ABCG5: variants seen among roughly 807,000 people sequenced by gnomAD.
ABCG5 encodes ATP binding cassette subfamily G member 5, also known as ATP-binding cassette sub-family G member 5.
In ABCG5, 64 loss-of-function variants were observed where a neutral mutation model predicts 64.5. The observed-to-expected ratio is 0.99, with a 90% CI of 0.81 to 1.22. The LOEUF (loss-of-function observed/expected upper bound fraction) is 1.22, where lower values mean the gene tolerates loss of function less well. Ranked by LOEUF, ABCG5 falls within the 50% of genes most tolerant of loss-of-function variation. ABCG5 has a pLI of 0.00. For missense variants in ABCG5, 908 were observed against 829.5 expected (o/e 1.09, Z -1.16); for synonymous variants, 385 against 326.3 (o/e 1.18, Z -1.94).
At chr2:43,809,666 A>T, downstream of ABCG5, 1 of 1,491,150 alleles carries the variant, frequency 6.7e-7, no homozygotes, top group Non-Finnish European at 9.3e-7. Flanking sequence ...GAATTAGTAA[A>T]GTTGATTTTT....
At chr2:43,822,769 G>A in intron 10 of ABCG5, 28 bp downstream of exon 10, 1 of 1,613,998 alleles carries the variant, frequency 6.2e-7, no homozygotes, top group South Asian at 1.1e-5. Flanking sequence ...TGGGAGCCCG[G>A]CCCTGGGTGA....
rs769366950 is a variant in ABCG5 at position 43,820,034 on chromosome 2, G to A, written c.1530C>T (p.His510=). 8 of 1,614,208 alleles carry A rather than the reference G, an allele frequency of 5.0e-6. No individual in the cohort carries two copies. The highest frequency in any genetic ancestry group is 4.4e-5 in the South Asian group (4 of 91,082). Residue 510 remains histidine, a synonymous_variant, in exon 11 of 13, where the codon CAC becomes CAT. Transcript: ENST00000405322. The stretch of plus-strand genomic sequence containing the variant: ...CAAGAGTTAGAAATTCACCAATTAA[G>A]TGGGGGGCCAAGAGAGCAGCAGAAA... The part of the protein sequence containing the change: ...GYFSAALLAP[H]LIGEFLTLVL...
At position 43,824,322 on chromosome 2, in the gene ABCG5, A is replaced by C. The variant is rs756376137; in HGVS notation, c.1015T>G (p.Leu339Val). The part of the protein sequence containing the change: ...YKKSAICHKT[L>V]KNIERMKHLK... ...TGTTTCATTCTTTCAATATTCTTCA[A>C]AGTTTTATGACAAATTGCTGATTTC... Residue 339 changes from leucine (L) to valine (V), a missense_variant, in exon 8 of 13, where the codon TTG becomes GTG. Transcript: ENST00000405322. 12 of 1,614,024 alleles carry C rather than the reference A, an allele frequency of 7.4e-6. No individual in the cohort carries two copies. The African/African-American group carries it at 1.5e-4, about 20-fold the overall frequency.
intron 6 of ABCG5, among the ~76,000 whole-genome samples, chr2:43,826,103 GTAGC>G (rs1309288403): frequency 6.6e-6 from 1 of 151,924 alleles, no homozygotes; most frequent in Admixed American, 6.6e-5. Flanking sequence ...AGCCTTCCAA[GTAGC>G]TGGGACCACA....
upstream of ABCG5, chr2:43,839,148 T>C: frequency 6.5e-7 from 1 of 1,549,358 alleles, no homozygotes. Context: ...GGCCCAGGCC[T>C]GGTGGGCGGG....
Position 43,838,718 on chromosome 2 carries a change from C to T in ABCG5, c.-39G>A, listed in dbSNP as rs1668443446. 2 of 1,607,840 alleles carry T rather than the reference C, an allele frequency of 1.2e-6. No homozygotes were observed. The highest frequency in any genetic ancestry group is 2.7e-5 in the African/African-American group (2 of 74,734). Reference sequence around the variant, plus strand: ...CAAAGCTGGGCAAATTTTCTGGTGGCCGGACCCTCCCCAGAGTGGCTTCAG... The same window carrying T: ...CAAAGCTGGGCAAATTTTCTGGTGGTCGGACCCTCCCCAGAGTGGCTTCAG... On this transcript the variant is annotated 5_prime_UTR_variant, in exon 1 of 13. Transcript: ENST00000405322. The surrounding 1 kb of genome is among the most constrained non-coding windows in gnomAD (Gnocchi z 4.2).
At chr2:43,820,797 G>A (rs1667142228) in intron 10 of ABCG5, among the ~76,000 whole-genome samples, 1 of 152,060 alleles carries the variant, frequency 6.6e-6, no homozygotes, top group East Asian at 1.9e-4. Context: ...GGGATTACAG[G>A]TGCGCACCAC....
At chr2:43,814,332 G>A in intron 12 of ABCG5, 145 bp downstream of exon 12, 1 of 634,480 alleles carries the variant, frequency 1.6e-6, no homozygotes, top group Non-Finnish European at 2.8e-6. Flanking sequence ...TTAAAAATCA[G>A]AGAAAATGTT....
chr2:43,838,426 G>A lies in ABCG5; in HGVS notation c.143+111C>T. On this transcript the variant is annotated intron_variant, in intron 1 of 12. Transcript: ENST00000405322. The surrounding 1 kb of genome is among the most constrained non-coding windows in gnomAD (Gnocchi z 4.2). ...TCTCTCCACCCGATCCACTAAAGAG[G>A]GAGCCCGAAGTGCCCAGACTGGCAC... is the stretch of plus-strand genomic sequence containing the variant. 9.4e-7 allele frequency: 1 copy of A among 1,065,014 alleles called. No homozygotes were observed. The highest frequency in any genetic ancestry group is 1.5e-5 in the South Asian group (1 of 66,800). 66.0% of individuals were successfully genotyped at this position (1,065,014 alleles called of 1,614,324 possible). A position where few individuals can be genotyped will look rare whatever the true frequency, so the allele number is the denominator to read the frequency against.
At chr2:43,831,078 A>C (rs1465694712) in intron 4 of ABCG5, among the ~76,000 whole-genome samples, 2 of 152,266 alleles carry the variant, frequency 1.3e-5, no homozygotes, top group South Asian at 2.1e-4. Flanking sequence ...AAATTTTGAA[A>C]AGTAAAAAGA....
intron 12 of ABCG5, 104 bp downstream of exon 12, chr2:43,814,373 G>A: frequency 3.9e-6 from 3 of 762,996 alleles, no homozygotes; most frequent in Non-Finnish European, 6.7e-6. Flanking sequence ...GTTTTAAATT[G>A]AATTATTATA....
chr2:43,826,634 T>G (rs1447815461), intron 5 of ABCG5, 113 bp from the exon 6 acceptor site: 2 of 1,511,798 alleles, frequency 1.3e-6, no homozygotes, highest in East Asian at 2.3e-5. Context: ...TCAAACAGTG[T>G]GCGGTGGGAA....
intron 4 of ABCG5, 65 bp downstream of exon 4, chr2:43,831,704 G>T (rs916708301): frequency 2.1e-6 from 3 of 1,448,214 alleles, no homozygotes; most frequent in Non-Finnish European, 2.8e-6. Flanking sequence ...TAGGCGAAGA[G>T]AGGAGGGCAG....
chr2:43,823,507 C>G (rs921626438), intron 9 of ABCG5, among the ~76,000 whole-genome samples: 5 of 152,186 alleles, frequency 3.3e-5, no homozygotes, highest in Non-Finnish European at 1.5e-5. Context: ...TGGAATTCCA[C>G]TGAATTTGAA....
At chr2:43,815,758 T>C (rs190149608) in intron 11 of ABCG5, among the ~76,000 whole-genome samples, 2 of 152,162 alleles carry the variant, frequency 1.3e-5, no homozygotes, top group East Asian at 3.9e-4. Context: ...CTCGGAACAA[T>C]AGCCAGCAAC....
intron 2 of ABCG5, 108 bp from the exon 3 acceptor site, chr2:43,832,191 A>C: frequency 1.4e-6 from 2 of 1,454,952 alleles, no homozygotes; most frequent in South Asian, 1.2e-5. Flanking sequence ...TGAGTGCTAC[A>C]TGACGGACCC....
At position 43,826,511 on chromosome 2, in the gene ABCG5, C is replaced by T; in HGVS notation, c.645G>A (p.Leu215=). 6.2e-7 allele frequency: 1 copy of T among 1,614,200 alleles called. No individual in the cohort carries two copies. Among genetic ancestry groups the T allele is most frequent in the Non-Finnish European group, 8.5e-7 (1 of 1,180,040 alleles). ...AQLLQDPKVM[L]FDEPTTGLDC... is the part of the protein sequence containing the mutation. ...CCAGGCCTGTGGTTGGCTCATCAAA[C>T]AGCATGACCTCTGCCAGCAAAGAAG... The change falls in exon 6 of 13, where the codon CTG becomes CTA. Residue 215 remains leucine, a synonymous_variant. Coordinates refer to ENST00000405322, the MANE Select transcript of ABCG5 (RefSeq NM_022436.3).
At chr2:43,826,230 C>A in intron 6 of ABCG5, 152 bp downstream of exon 6, 3 of 1,029,246 alleles carry the variant, frequency 2.9e-6, no homozygotes, top group Non-Finnish European at 1.5e-6. Context: ...AAACTCCTGG[C>A]CTCAAGTGCT....
intron 2 of ABCG5, chr2:43,832,362 C>G (rs902272469): frequency 3.5e-6 from 2 of 570,144 alleles, no homozygotes; most frequent in African/African-American, 3.7e-5. Context: ...CGTGCTTTCT[C>G]TGCTTGTTTA....
Sources: allele counts gnomAD v4.1 joint callset (sites outside exome capture counted in the v4.1 genomes callset), GRCh38; gene constraint gnomAD v4.1.1; non-coding constraint Gnocchi (gnomAD v3.1); transcripts MANE v1.5; gene names NCBI Gene and HGNC (gene_info 2026-07-23, HGNC 2026-07-21).